The following AGO1 variants were observed in gnomAD, a reference collection of about 807,000 sequenced individuals.
AGO1 encodes the protein protein argonaute-1.
AGO1 carries 11 observed loss-of-function variants against 109.2 expected under a neutral mutation model. That is an observed-to-expected ratio of 0.10 (90% CI 0.06 to 0.17). The LOEUF (loss-of-function observed/expected upper bound fraction) is 0.17, where lower values mean the gene tolerates loss of function less well. Ranked by LOEUF, AGO1 falls within the 10% of genes least tolerant of loss-of-function variation. AGO1 has a pLI of 1.00. For synonymous variants in AGO1, 422 were observed against 418.6 expected, an observed-to-expected ratio of 1.01 and a Z score of -0.10; for missense variants, 574 against 1,140.3, an observed-to-expected ratio of 0.50 and a Z score of 7.15.
At chr1:35,887,398 C>T (rs1013438088) in intron 1 of AGO1, among the ~76,000 whole-genome samples, 4 of 152,174 alleles carry the variant, frequency 2.6e-5, no homozygotes, top group African/African-American at 9.7e-5. Context: ...CTCTTCCCCC[C>T]AAGCTAGAAA....
At position 35,890,198 on chromosome 1, in the gene AGO1, T is replaced by A. The variant is rs367876592; in HGVS notation, c.209+1588T>A. ...CCACCACGCCTGGCTAATTTTTGTA[T>A]TTTTAGTAGAGACAGGGTTTCACTA... On this transcript the variant is annotated intron_variant, in intron 2 of 18. Transcript: ENST00000373204. Among the ~76,000 whole-genome samples the A allele has an allele frequency of 9.2e-5, 14 of 151,936 alleles. No individual in the cohort carries two copies. The East Asian group carries it at 1.6e-3, about 17-fold the overall frequency.
Position 35,888,518 on chromosome 1 carries a change from G to A in AGO1, c.117G>A (p.Leu39=). 6.2e-7 allele frequency: 1 copy of A among 1,614,226 alleles called. No individual in the cohort carries two copies. The highest frequency in any genetic ancestry group is 1.1e-5 in the South Asian group (1 of 91,084). Residue 39 remains leucine (L), a synonymous_variant, in exon 2 of 19, where the codon CTG becomes CTA. Transcript: ENST00000373204. The surrounding 1 kb of genome is among the most constrained non-coding windows in gnomAD (Gnocchi z 4.1). ...CTGTGGGGAAACCAATCAAGCTCCT[G>A]GCCAATTACTTTGAGGTGGACATCC... is the stretch of plus-strand genomic sequence containing the variant. ...IGTVGKPIKL[L]ANYFEVDIPK...
chr1:35,903,832 G>A (rs1156303072), intron 11 of AGO1, among the ~76,000 whole-genome samples: 8 of 151,774 alleles, frequency 5.3e-5, no homozygotes, highest in Admixed American at 2.6e-4. Context: ...GCGTGGTGGC[G>A]CGTGCCTGTA....
chr1:35,914,032 C>T (rs563513405), intron 13 of AGO1, 31 bp downstream of exon 13: 2 of 1,613,018 alleles, frequency 1.2e-6, no homozygotes, highest in African/African-American at 1.3e-5. Flanking sequence ...TTGCCCTTGT[C>T]AAGGTACCAT....
intron 12 of AGO1, among the ~76,000 whole-genome samples, chr1:35,909,943 G>A (rs1406947223): frequency 1.3e-5 from 2 of 151,906 alleles, no homozygotes; most frequent in Non-Finnish European, 2.9e-5. Context: ...GCTTGGGAAT[G>A]GTACAGCATG....
At chr1:35,877,728 T>C (rs1645003859) in intron 1 of AGO1, among the ~76,000 whole-genome samples, 1 of 151,996 alleles carries the variant, frequency 6.6e-6, no homozygotes, top group African/African-American at 2.4e-5. Context: ...GAGTCTTGCT[T>C]TGTCACCCAG....
chr1:35,907,043 G>A lies in AGO1; in HGVS notation c.1506G>A (p.Met502Ile). Residue 502 changes from methionine to isoleucine, a missense_variant, in exon 12 of 19, where the codon ATG (methionine) becomes ATA (isoleucine). By Grantham distance (10) the Met-to-Ile change is conservative (BLOSUM62 1). Around this residue, in one of 8 missense-constraint regions of AGO1, gnomAD observed 68 missense variants for 200.2 expected, o/e 0.34. Transcript: ENST00000373204. ...YAQGADSVEP[M>I]FRHLKNTYSG... Reference sequence around the variant, plus strand: ...AGGGGGCAGACAGCGTGGAGCCTATGTTCCGGCATCTCAAGAACACCTACT... The same window carrying A: ...AGGGGGCAGACAGCGTGGAGCCTATATTCCGGCATCTCAAGAACACCTACT... 1 of 1,614,108 alleles carries A rather than the reference G, an allele frequency of 6.2e-7. No homozygotes were observed. Among genetic ancestry groups the A allele is most frequent in the South Asian group, 1.1e-5 (1 of 91,074 alleles).
chr1:35,902,971 A>T (rs1026116256), intron 11 of AGO1, among the ~76,000 whole-genome samples: 1 of 151,652 alleles, frequency 6.6e-6, no homozygotes, highest in Non-Finnish European at 1.5e-5. Flanking sequence ...GTAATGGCTT[A>T]AGAAGTCAAC....
At chr1:35,876,271 G>T (rs989568055) in intron 1 of AGO1, among the ~76,000 whole-genome samples, 12 of 142,538 alleles carry the variant, frequency 8.4e-5, no homozygotes, top group South Asian at 2.2e-4. Flanking sequence ...TTTGTTTTTT[G>T]TTTTTTTTTT....
upstream of AGO1, among the ~76,000 whole-genome samples, chr1:35,881,003 A>G (rs1645030437): frequency 6.6e-6 from 1 of 152,170 alleles, no homozygotes; most frequent in African/African-American, 2.4e-5. Context: ...CTTCACAACA[A>G]CCGAATGAGG....
Position 35,906,799 on chromosome 1 carries a change from T to A in AGO1, c.1398-136T>A, listed in dbSNP as rs1280995544. ...CTCCATCCTGGTTGACAGAGCACCC[T>A]GTCTCAAGGAAAAAAAAAAAAAAAA... On this transcript the variant is annotated intron_variant, in intron 11 of 18. Transcript: ENST00000373204. 7.1e-5 allele frequency: 49 copies of A among 690,366 alleles called. 1 individual carries two copies. The South Asian group carries it at 9.7e-4, about 14-fold the overall frequency. The allele number at this position is 690,366 out of a possible 1,614,324, so 42.8% of individuals were successfully genotyped here. A position where few individuals can be genotyped will look rare whatever the true frequency, so the allele number is the denominator to read the frequency against.
At chr1:35,882,640 C>G (rs1196494546), upstream of AGO1, among the ~76,000 whole-genome samples, 1 of 152,164 alleles carries the variant, frequency 6.6e-6, no homozygotes, top group African/African-American at 2.4e-5. This position sits in a 1 kb window ranked among gnomAD's most constrained non-coding sequence, Gnocchi z 5.1. Flanking sequence ...TGTAGCTGCA[C>G]TTAAGTTCAA....
rs556256590 is a variant in AGO1 at position 35,876,499 on chromosome 1, T to C, written c.-201+6596T>C. Among the ~76,000 whole-genome samples, 820 of 152,108 alleles carry C rather than the reference T, an allele frequency of 5.4e-3. 3 individuals carry two copies. Among genetic ancestry groups the C allele is most frequent in the Non-Finnish European group, 9.4e-3 (642 of 67,976 alleles). On this transcript the variant is annotated intron_variant, in intron 1 of 18. Transcript: ENST00000373206. ...GCCAGGATGGTCTTGATCTCCAGAC[T>C]TCGTGATCCGCCCACCTCGGCCTCC...
chr1:35,905,530 C>G (rs969579752), intron 11 of AGO1, among the ~76,000 whole-genome samples: 17 of 152,100 alleles, frequency 1.1e-4, no homozygotes, highest in African/African-American at 3.6e-4. Flanking sequence ...TGCAGTGGCG[C>G]AATCTCGGCT....
At chr1:35,876,220 CATG>C (rs1376914484) in intron 1 of AGO1, among the ~76,000 whole-genome samples, 1 of 151,600 alleles carries the variant, frequency 6.6e-6, no homozygotes, top group Admixed American at 6.6e-5. Flanking sequence ...GCTCAAATCT[CATG>C]ATAAAACTTG....
At position 35,901,294 on chromosome 1, in the gene AGO1, C is replaced by T. The variant is rs562458312; in HGVS notation, c.1021-180C>T. On this transcript the variant is annotated intron_variant, in intron 8 of 18. Transcript: ENST00000373204. This position sits in a 1 kb window ranked among gnomAD's most constrained non-coding sequence, Gnocchi z 4.8. The stretch of plus-strand genomic sequence containing the variant: ...CCTGAATCGCCTTTTACAATGCACA[C>T]GAATATTTTCTAATTTACCTATCAA... 3.3e-5 allele frequency among the ~76,000 whole-genome samples: 5 copies of T among 152,122 alleles called. No individual in the cohort carries two copies. Among genetic ancestry groups the T allele is most frequent in the South Asian group, 4.1e-4 (2 of 4,834 alleles).
chr1:35,878,376 C>T (rs1411994276), upstream of AGO1, among the ~76,000 whole-genome samples: 3 of 152,206 alleles, frequency 2.0e-5, no homozygotes, highest in South Asian at 2.1e-4. Context: ...TGAGCCACCA[C>T]GCCCGGCTCC....
At chr1:35,882,203 G>T (rs527733777), upstream of AGO1, among the ~76,000 whole-genome samples, 7 of 152,310 alleles carry the variant, frequency 4.6e-5, no homozygotes, top group East Asian at 1.4e-3. The surrounding 1 kb of genome is among the most constrained non-coding windows in gnomAD (Gnocchi z 5.1). Context: ...TATCCAGGTG[G>T]AGCTGTCCAG....
chr1:35,869,880 G>T (rs1393347718), exon 1 of AGO1: 1 of 152,176 alleles, frequency 6.6e-6, no homozygotes, highest in Non-Finnish European at 1.5e-5. Flanking sequence ...GGACACAGGG[G>T]AAGAATTGGA....
Sources: gnomAD v4.1 joint callset for allele counts (sites outside exome capture counted in the v4.1 genomes callset) on GRCh38, gnomAD v4.1.1 for gene constraint, gnomAD v4.1.1 regional missense constraint, Gnocchi (gnomAD v3.1) non-coding constraint, MANE v1.5 for transcripts, NCBI Gene and HGNC (gene_info 2026-07-23, HGNC 2026-07-21) for gene names.